The following MPRIP variants were observed in gnomAD, a reference collection of about 807,000 sequenced individuals.
MPRIP encodes the protein myosin phosphatase Rho interacting protein.
MPRIP carries 59 observed loss-of-function variants against 234.9 expected under a neutral mutation model. The observed-to-expected ratio is 0.25, with a 90% CI of 0.20 to 0.31. The LOEUF is 0.31. Ranked by LOEUF, MPRIP falls within the 10% of genes least tolerant of loss-of-function variation. MPRIP has a pLI of 1.00. For missense variants in MPRIP, 2,436 were observed against 3,071.0 expected (o/e 0.79, Z 4.89); for synonymous variants, 1,144 against 1,263.9 (o/e 0.91, Z 2.01).
Position 17,164,756 on chromosome 17 carries a change from G to A in MPRIP, c.3165G>A (p.Gln1055=). 1 of 1,303,906 alleles carries A rather than the reference G, an allele frequency of 7.7e-7. No homozygotes were observed. The allele number at this position is 1,303,906 out of a possible 1,614,324, so 80.8% of individuals were successfully genotyped here. The change falls in exon 16 of 24, where the codon CAG becomes CAA. Residue 1055 remains glutamine (Q), a synonymous_variant. Transcript: ENST00000651222. ...DKASAYEDQL[Q]GQAQQVETLQ... Reference sequence around the variant, plus strand: ...CCAGCGCCTATGAGGACCAGCTGCAGGGTCAGGCACAGCAGGTGGAGACCC... The same window carrying A: ...CCAGCGCCTATGAGGACCAGCTGCAAGGTCAGGCACAGCAGGTGGAGACCC...
chr17:17,128,960 T>G (rs1285738630), intron 4 of MPRIP, among the ~76,000 whole-genome samples: 2 of 152,142 alleles, frequency 1.3e-5, no homozygotes, highest in Non-Finnish European at 2.9e-5. Context: ...AGCTCTCTGG[T>G]CACATCAAAG....
intron 7 of MPRIP, 60 bp from the exon 8 acceptor site, chr17:17,142,567 T>C (rs2045350993): frequency 6.3e-7 from 1 of 1,587,206 alleles, no homozygotes; most frequent in African/African-American, 1.3e-5. Flanking sequence ...AGGAGTCGGC[T>C]CACTGCCACC....
intron 5 of MPRIP, among the ~76,000 whole-genome samples, chr17:17,135,109 C>T (rs1487785157): frequency 6.6e-6 from 1 of 152,260 alleles, no homozygotes; most frequent in Non-Finnish European, 1.5e-5. Context: ...ATCCTGTTGG[C>T]AGCCCTCTGG....
intron 23 of MPRIP, among the ~76,000 whole-genome samples, chr17:17,184,476 C>T (rs1410008908): frequency 6.6e-6 from 1 of 152,202 alleles, no homozygotes; most frequent in Non-Finnish European, 1.5e-5. Context: ...AGACAAGACA[C>T]GGGGATGGGC....
At chr17:17,066,673 GA>G (rs2143968903) in intron 1 of MPRIP, among the ~76,000 whole-genome samples, 1 of 132,512 alleles carries the variant, frequency 7.5e-6, no homozygotes, top group East Asian at 2.6e-4. Flanking sequence ...TTTTTGATTG[GA>G]AACAACCTAG....
In MPRIP at chr17:17,161,333, G is replaced by A. The variant is rs1267158057; in HGVS notation, c.2494G>A (p.Ala832Thr). The A allele has an allele frequency of 6.3e-6, 10 of 1,585,178 alleles. No individual in the cohort carries two copies. Among genetic ancestry groups the A allele is most frequent in the East Asian group, 2.3e-5 (1 of 43,894 alleles). ...GGTGGCCCTGGGCCGGGAGCAGAGC[G>A]CCCGTGAGGGCTACGTGCTGCAGGT... ...LRVALGREQS[A>T]REGYVLQTEV... Residue 832 changes from alanine to threonine, a missense_variant, in exon 15 of 24, where the codon GCC (alanine) becomes ACC (threonine). By Grantham distance (58) the Ala-to-Thr change is moderately conservative (BLOSUM62 0). Around this residue, in one of 4 missense-constraint regions of MPRIP, gnomAD observed 1,998 missense variants for 2,520.3 expected, o/e 0.79. Transcript: ENST00000651222.
chr17:17,143,502 C>T (rs1351038238), intron 8 of MPRIP, 54 bp from the exon 9 acceptor site: 1 of 1,243,712 alleles, frequency 8.0e-7, no homozygotes, highest in Non-Finnish European at 1.1e-6. Context: ...GCTCGTCCCT[C>T]ACATGCCCAC....
rs1472886842 is a variant in MPRIP at position 17,186,634 on chromosome 17, G to T, written c.*1740G>T. 6.6e-6 allele frequency: 1 copy of T among 152,202 alleles called. No individual in the cohort carries two copies. The highest frequency in any genetic ancestry group is 1.5e-5 in the Non-Finnish European group (1 of 68,096). The allele number at this position is 152,202 out of a possible 1,614,324, so 9.4% of individuals were successfully genotyped here. On this transcript the variant is annotated 3_prime_UTR_variant, in exon 24 of 24. Coordinates refer to ENST00000651222, the MANE Select transcript of MPRIP (RefSeq NM_001364716.4). The stretch of plus-strand genomic sequence containing the variant: ...CTCAGGAGGCTGAGGTAGTAGGATT[G>T]CTTGAGCCCGGGAGGTCGAGGCTGC...
chr17:17,047,709 G>A (rs548542896), intron 1 of MPRIP, among the ~76,000 whole-genome samples: 1 of 152,198 alleles, frequency 6.6e-6, no homozygotes, highest in Non-Finnish European at 1.5e-5. Context: ...ACCTTTAACA[G>A]AGATTGAGAA....
In MPRIP at chr17:17,138,142, C is replaced by G; in HGVS notation, c.963C>G (p.Leu321=). The G allele has an allele frequency of 1.4e-6, 2 of 1,385,626 alleles. No homozygotes were observed. Among genetic ancestry groups the G allele is most frequent in the Non-Finnish European group, 2.0e-6 (2 of 1,018,110 alleles). 85.8% of individuals were successfully genotyped at this position (1,385,626 alleles called of 1,614,324 possible). Residue 321 remains leucine (L), a synonymous_variant, in exon 7 of 24, where the codon CTC becomes CTG. Coordinates refer to ENST00000651222, the MANE Select transcript of MPRIP (RefSeq NM_001364716.4). This position sits in a 1 kb window ranked among gnomAD's most constrained non-coding sequence, Gnocchi z 5.8. ...CTCTTCCTTCCCCAGGTCCTCGACT[C>G]CCCCACCAAATGGTCTGCAGCATCT... The part of the protein sequence containing the change: ...GGPLPSPGPR[L]PHQMVCSISL...
intron 3 of MPRIP, among the ~76,000 whole-genome samples, chr17:17,085,034 T>G (rs1341162783): frequency 6.6e-6 from 1 of 152,222 alleles, no homozygotes; most frequent in Non-Finnish European, 1.5e-5. Flanking sequence ...CTTTCAGGTT[T>G]AGCTTTAAAT....
At chr17:17,109,266 T>TA (rs2090122554) in intron 3 of MPRIP, among the ~76,000 whole-genome samples, 1 of 152,226 alleles carries the variant, frequency 6.6e-6, no homozygotes, top group Non-Finnish European at 1.5e-5. Flanking sequence ...GACAGTGGTG[T>TA]AAAAGGGAGT....
chr17:17,167,220 T>C lies in MPRIP; in HGVS notation c.5629T>C (p.Cys1877Arg). 1 of 1,304,062 alleles carries C rather than the reference T, an allele frequency of 7.7e-7. No homozygotes were observed. Among genetic ancestry groups the C allele is most frequent in the Non-Finnish European group, 1.0e-6 (1 of 988,926 alleles). 80.8% of individuals were successfully genotyped at this position (1,304,062 alleles called of 1,614,324 possible). Reference protein sequence around the residue: ...KESWQTREPSCSEQAQAARAL... With the variant: ...KESWQTREPSRSEQAQAARAL... Reference sequence around the variant, plus strand: ...GTCCTGGCAAACCCGGGAGCCCTCCTGCTCAGAGCAGGCACAGGCAGCCCG... The same window carrying C: ...GTCCTGGCAAACCCGGGAGCCCTCCCGCTCAGAGCAGGCACAGGCAGCCCG... The change falls in exon 16 of 24, where the codon TGC becomes CGC. Residue 1877 changes from cysteine to arginine, a missense_variant. Physicochemically the swap from Cys to Arg is radical, Grantham distance 180 (BLOSUM62 -3). This residue lies in a region of MPRIP where 1,998 missense variants were observed against 2,520.3 expected (regional missense o/e 0.79). Coordinates refer to ENST00000651222, the MANE Select transcript of MPRIP (RefSeq NM_001364716.4). This position sits in a 1 kb window ranked among gnomAD's most constrained non-coding sequence, Gnocchi z 5.9.
Position 17,078,086 on chromosome 17 carries a change from ATCCTTG to A in MPRIP, c.267+11_267+16del. The A allele has an allele frequency of 6.2e-7, 1 of 1,613,958 alleles. No homozygotes were observed. The highest frequency in any genetic ancestry group is 8.5e-7 in the Non-Finnish European group (1 of 1,179,914). On this transcript the variant is annotated intron_variant, in intron 3 of 23. Coordinates refer to ENST00000651222, the MANE Select transcript of MPRIP (RefSeq NM_001364716.4). The surrounding 1 kb of genome is among the most constrained non-coding windows in gnomAD (Gnocchi z 4.3). ...CGCCCTGGATGAGATGGTAAGTGTT[ATCCTTG>A]CCCACTCCCTGTCCCCAGCCTTCAC...
intron 3 of MPRIP, among the ~76,000 whole-genome samples, chr17:17,122,859 C>T (rs2090418814): frequency 6.6e-6 from 1 of 152,226 alleles, no homozygotes; most frequent in Non-Finnish European, 1.5e-5. Context: ...TATGACCCAG[C>T]ACTTCTGCTC....
At chr17:17,125,373 A>G (rs2090471633) in intron 3 of MPRIP, among the ~76,000 whole-genome samples, 1 of 152,240 alleles carries the variant, frequency 6.6e-6, no homozygotes, top group African/African-American at 2.4e-5. Flanking sequence ...GGCTGAGTCC[A>G]GAGACCCCAC....
chr17:17,056,534 ACAGC>A (rs1166875398), intron 1 of MPRIP, among the ~76,000 whole-genome samples: 1 of 151,996 alleles, frequency 6.6e-6, no homozygotes, highest in Non-Finnish European at 1.5e-5. Context: ...GGGGTAGTTT[ACAGC>A]CAGCCAGCAG....
In MPRIP at chr17:17,081,066, T is replaced by A. The variant is rs1374414019; in HGVS notation, c.267+2990T>A. The stretch of plus-strand genomic sequence containing the variant: ...CATTTGTCTCCAAAAGCAGCAGCTC[T>A]AAGCAGCCCGTGGCTACCTCTGACC... On this transcript the variant is annotated intron_variant, in intron 3 of 23. Coordinates refer to ENST00000651222, the MANE Select transcript of MPRIP (RefSeq NM_001364716.4). Among the ~76,000 whole-genome samples the A allele has an allele frequency of 2.6e-5, 4 of 152,380 alleles. No homozygotes were observed. In the East Asian group the frequency reaches 5.8e-4, roughly 22 times the overall value.
Position 17,138,158 on chromosome 17 carries a change from T to G in MPRIP, c.979T>G (p.Cys327Gly). Reference protein sequence around the residue: ...PGPRLPHQMVCSISLSSLDVA... With the variant: ...PGPRLPHQMVGSISLSSLDVA... ...TCCTCGACTCCCCCACCAAATGGTCTGCAGCATCTCCCTCAGCTCCCTGGA... is the reference window on the plus strand; with the variant it reads ...TCCTCGACTCCCCCACCAAATGGTCGGCAGCATCTCCCTCAGCTCCCTGGA... Residue 327 changes from cysteine (C) to glycine (G), a missense_variant, in exon 7 of 24, where the codon TGC (cysteine) becomes GGC (glycine). Cys to Gly is a radical substitution (Grantham distance 159). Transcript: ENST00000651222. This position sits in a 1 kb window ranked among gnomAD's most constrained non-coding sequence, Gnocchi z 5.8. The G allele has an allele frequency of 1.6e-6, 2 of 1,269,386 alleles. No homozygotes were observed. The highest frequency in any genetic ancestry group is 5.1e-5 in the East Asian group (2 of 39,076). The allele number at this position is 1,269,386 out of a possible 1,614,324, so 78.6% of individuals were successfully genotyped here.
Sources: gnomAD v4.1 joint callset for allele counts (sites outside exome capture counted in the v4.1 genomes callset) on GRCh38, gnomAD v4.1.1 for gene constraint, gnomAD v4.1.1 regional missense constraint, Gnocchi (gnomAD v3.1) non-coding constraint, MANE v1.5 for transcripts, NCBI Gene and HGNC (gene_info 2026-07-23, HGNC 2026-07-21) for gene names.